Variants in FLRT1 observed in about 807,000 individuals in gnomAD.
The protein encoded by FLRT1 is leucine-rich repeat transmembrane protein FLRT1.
In FLRT1, 14 loss-of-function variants were observed where a neutral mutation model predicts 30.9. The observed-to-expected ratio is 0.45, with a 90% CI of 0.30 to 0.71. The LOEUF is 0.71. Among genes scored for constraint, FLRT1 ranks in the 30% least tolerant of loss-of-function variants. FLRT1 has a pLI of 0.08. For synonymous variants in FLRT1, 368 were observed against 430.4 expected (o/e 0.85, Z 1.80); for missense variants, 737 against 949.2 (o/e 0.78, Z 2.94).
At chr11:64,115,982 G>A (rs1213666527) in intron 2 of FLRT1, among the ~76,000 whole-genome samples, 1 of 152,160 alleles carries the variant, frequency 6.6e-6, no homozygotes, top group East Asian at 1.9e-4. Flanking sequence ...GCAGCCTCTT[G>A]GCTCCTGATA....
chr11:64,105,751 C>T (rs1457847856), intron 2 of FLRT1, among the ~76,000 whole-genome samples: 1 of 152,158 alleles, frequency 6.6e-6, no homozygotes, highest in Non-Finnish European at 1.5e-5. Context: ...CCTCCCTGTG[C>T]CAAACCCCTG....
intron 1 of FLRT1, chr11:64,060,526 T>C (rs1218554932): frequency 6.6e-6 from 1 of 152,156 alleles, no homozygotes; most frequent in Non-Finnish European, 1.5e-5. Context: ...GAGCTGTGTG[T>C]GCTGTGAGGG....
intron 1 of FLRT1, among the ~76,000 whole-genome samples, chr11:64,050,915 G>A (rs952418315): frequency 2.6e-5 from 4 of 152,212 alleles, no homozygotes; most frequent in South Asian, 2.1e-4. Context: ...CACCGCGCCC[G>A]GCCACAGCCT....
At chr11:64,114,169 T>C (rs1044414711) in intron 2 of FLRT1, among the ~76,000 whole-genome samples, 5 of 150,296 alleles carry the variant, frequency 3.3e-5, no homozygotes, top group Non-Finnish European at 5.9e-5. Context: ...GATGGATGCA[T>C]GGATGCCTGG....
intron 1 of FLRT1, among the ~76,000 whole-genome samples, chr11:64,088,311 T>C (rs1208275749): frequency 6.6e-6 from 1 of 151,728 alleles, no homozygotes; most frequent in Non-Finnish European, 1.5e-5. Flanking sequence ...CTAGGCTCGG[T>C]GGCCAGGCGG....
intron 2 of FLRT1, among the ~76,000 whole-genome samples, chr11:64,108,813 C>A (rs905794479): frequency 2.0e-5 from 3 of 152,178 alleles, no homozygotes; most frequent in Non-Finnish European, 4.4e-5. Context: ...TGCAAGGGAC[C>A]CCACCTGGGG....
At chr11:64,062,465 C>A (rs1222772503) in intron 1 of FLRT1, among the ~76,000 whole-genome samples, 1 of 152,224 alleles carries the variant, frequency 6.6e-6, no homozygotes, top group Non-Finnish European at 1.5e-5. Context: ...TCACACAGGG[C>A]TGCAGGAAGC....
rs1590901712 is a variant in FLRT1 at position 64,096,147 on chromosome 11, A to C, written c.-1037-7047A>C. 6.6e-6 allele frequency among the ~76,000 whole-genome samples: 1 copy of C among 152,194 alleles called. No homozygotes were observed. The highest frequency in any genetic ancestry group is 2.4e-5 in the African/African-American group (1 of 41,446). On this transcript the variant is annotated intron_variant, in intron 1 of 2. Coordinates refer to ENST00000682287, the MANE Select transcript of FLRT1 (RefSeq NM_013280.5). This position sits in a 1 kb window ranked among gnomAD's most constrained non-coding sequence, Gnocchi z 4.6. Reference sequence around the variant, plus strand: ...CCCAGACCCTGGAGGCCAGGAGGGGACCAGGGCTGCCCGCCGGCTCCACCA... The same window carrying C: ...CCCAGACCCTGGAGGCCAGGAGGGGCCCAGGGCTGCCCGCCGGCTCCACCA...
At chr11:64,085,109 A>G (rs923665269) in intron 1 of FLRT1, among the ~76,000 whole-genome samples, 2 of 152,226 alleles carry the variant, frequency 1.3e-5, no homozygotes, top group African/African-American at 4.8e-5. Context: ...TTTCAAGCCC[A>G]TGCAGTGGGG....
At chr11:64,108,801 C>G (rs1944809394) in intron 2 of FLRT1, among the ~76,000 whole-genome samples, 1 of 152,180 alleles carries the variant, frequency 6.6e-6, no homozygotes, top group African/African-American at 2.4e-5. Context: ...GGGAAAGACA[C>G]CTGCAAGGGA....
intron 1 of FLRT1, among the ~76,000 whole-genome samples, chr11:64,068,863 C>T (rs935371464): frequency 6.6e-6 from 1 of 152,248 alleles, no homozygotes; most frequent in African/African-American, 2.4e-5. Flanking sequence ...GAGCCTCGGC[C>T]TTCCCCGGAG....
chr11:64,045,615 C>T (rs913978719), intron 1 of FLRT1, among the ~76,000 whole-genome samples: 1 of 152,164 alleles, frequency 6.6e-6, no homozygotes, highest in Admixed American at 6.5e-5. Context: ...GGGGTAGCCA[C>T]CTTGCTGCGT....
At chr11:64,063,453 T>C (rs1319928809) in intron 1 of FLRT1, among the ~76,000 whole-genome samples, 1 of 151,848 alleles carries the variant, frequency 6.6e-6, no homozygotes, top group African/African-American at 2.4e-5. Context: ...GGGTGGCGAA[T>C]TGTGCTTTTC....
At chr11:64,062,791 G>A (rs1943929453) in intron 1 of FLRT1, among the ~76,000 whole-genome samples, 1 of 152,144 alleles carries the variant, frequency 6.6e-6, no homozygotes, top group African/African-American at 2.4e-5. Context: ...GGGGTGCCTG[G>A]CTTTATCAGG....
At chr11:64,054,765 T>G (rs1254781141) in intron 1 of FLRT1, among the ~76,000 whole-genome samples, 1 of 152,086 alleles carries the variant, frequency 6.6e-6, no homozygotes, top group Non-Finnish European at 1.5e-5. Flanking sequence ...GGCCAGCCCC[T>G]TCCTGCCTTG....
At chr11:64,075,134 G>A (rs2134472750) in intron 1 of FLRT1, among the ~76,000 whole-genome samples, 1 of 152,312 alleles carries the variant, frequency 6.6e-6, no homozygotes, top group South Asian at 2.1e-4. Context: ...TCTCTCACTT[G>A]GAGAAAACGG....
intron 1 of FLRT1, among the ~76,000 whole-genome samples, chr11:64,066,378 C>T (rs886987650): frequency 6.6e-6 from 1 of 151,184 alleles, no homozygotes; most frequent in Non-Finnish European, 1.5e-5. Context: ...TTTAGGAGGC[C>T]GAGGTGGTAG....
intron 1 of FLRT1, among the ~76,000 whole-genome samples, chr11:64,061,265 T>C (rs971878330): frequency 1.6e-4 from 25 of 152,238 alleles, no homozygotes; most frequent in African/African-American, 5.3e-4. Context: ...AATTGCTGGC[T>C]GTCAGGGCAG....
At position 64,096,920 on chromosome 11, in the gene FLRT1, G is replaced by T. The variant is rs1944586907; in HGVS notation, c.-1037-6274G>T. 6.6e-6 allele frequency among the ~76,000 whole-genome samples: 1 copy of T among 152,244 alleles called. No individual in the cohort carries two copies. Among genetic ancestry groups the T allele is most frequent in the Non-Finnish European group, 1.5e-5 (1 of 68,046 alleles). Reference sequence around the variant, plus strand: ...GTCCCTCCGTGAGCTGGGTGCGAGTGGCCCTTGCTGGTCCCCCGCTCACCC... The same window carrying T: ...GTCCCTCCGTGAGCTGGGTGCGAGTTGCCCTTGCTGGTCCCCCGCTCACCC... On this transcript the variant is annotated intron_variant, in intron 1 of 2. Transcript: ENST00000682287. This position sits in a 1 kb window ranked among gnomAD's most constrained non-coding sequence, Gnocchi z 4.6.
Sources: gnomAD v4.1 joint callset for allele counts (sites outside exome capture counted in the v4.1 genomes callset) on GRCh38, gnomAD v4.1.1 for gene constraint, Gnocchi (gnomAD v3.1) non-coding constraint, MANE v1.5 for transcripts, NCBI Gene and HGNC (gene_info 2026-07-23, HGNC 2026-07-21) for gene names.